GRM8: variants seen among roughly 807,000 people sequenced by gnomAD.
The protein encoded by GRM8 is glutamate metabotropic receptor 8.
GRM8 carries 47 observed loss-of-function variants against 87.2 expected under a neutral mutation model. That is an observed-to-expected ratio of 0.54 (90% CI 0.43 to 0.69). The LOEUF is 0.69. Among genes scored for constraint, GRM8 ranks in the 30% least tolerant of loss-of-function variants. The pLI is 0.00. For synonymous variants in GRM8, 396 were observed against 404.5 expected, an observed-to-expected ratio of 0.98 and a Z score of 0.25; for missense variants, 1,019 against 1,139.2, an observed-to-expected ratio of 0.89 and a Z score of 1.52.
Position 126,685,404 on chromosome 7 carries a change from G to A in GRM8, c.1358-75906C>T, listed in dbSNP as rs997415958. On this transcript the variant is annotated intron_variant, in intron 7 of 10. Transcript: ENST00000339582. This position sits in a 1 kb window ranked among gnomAD's most constrained non-coding sequence, Gnocchi z 4.2. The stretch of plus-strand genomic sequence containing the variant: ...CGGGAGACCCACCCCCTCTGAGTTA[G>A]CTGGGTGGGAGCTCCCTGGGTGCAG... 2.0e-5 allele frequency among the ~76,000 whole-genome samples: 3 copies of A among 152,128 alleles called. No individual in the cohort carries two copies. Among genetic ancestry groups the A allele is most frequent in the African/African-American group, 7.2e-5 (3 of 41,446 alleles).
intron 3 of GRM8, among the ~76,000 whole-genome samples, chr7:127,083,497 A>G (rs574843068): frequency 6.6e-6 from 1 of 152,194 alleles, no homozygotes; most frequent in East Asian, 1.9e-4. Context: ...TCAGCCTACC[A>G]TCAGAAGGAA....
chr7:127,083,894 C>G (rs28948973), intron 3 of GRM8, among the ~76,000 whole-genome samples: 1 of 152,156 alleles, frequency 6.6e-6, no homozygotes, highest in African/African-American at 2.4e-5. Flanking sequence ...AACACCCCCT[C>G]TAGACTATAA....
intron 7 of GRM8, among the ~76,000 whole-genome samples, chr7:126,658,539 T>C (rs1283504838): frequency 6.6e-6 from 1 of 152,012 alleles, no homozygotes; most frequent in African/African-American, 2.4e-5. Context: ...TCACCTGTTA[T>C]CTATGTCCAC....
chr7:127,168,753 C>G (rs971991884), intron 2 of GRM8, among the ~76,000 whole-genome samples: 3 of 151,476 alleles, frequency 2.0e-5, no homozygotes, highest in African/African-American at 7.3e-5. Flanking sequence ...CAAACTAACA[C>G]AACAGAAAAC....
rs150144233 is a variant in GRM8 at position 127,227,157 on chromosome 7, G to A, written c.510+15538C>T. Among the ~76,000 whole-genome samples, 181 of 152,324 alleles carry A rather than the reference G, an allele frequency of 1.2e-3. 1 individual carries two copies. The highest frequency in any genetic ancestry group is 4.2e-3 in the African/African-American group (175 of 41,568). On this transcript the variant is annotated intron_variant, in intron 2 of 10. Coordinates refer to ENST00000339582, the MANE Select transcript of GRM8 (RefSeq NM_000845.3). ...GGAAGGAGGCGGACTCTGTAGTGAT[G>A]GGAGAAAACTCAGCAGCGCCACTGG...
At chr7:127,209,794 C>T (rs1796113945) in intron 2 of GRM8, among the ~76,000 whole-genome samples, 1 of 152,116 alleles carries the variant, frequency 6.6e-6, no homozygotes, top group Non-Finnish European at 1.5e-5. Context: ...CAAAGCTGTG[C>T]TAAACACATG....
intron 6 of GRM8, among the ~76,000 whole-genome samples, chr7:126,828,041 C>G (rs1794991699): frequency 6.6e-6 from 1 of 152,176 alleles, no homozygotes; most frequent in Non-Finnish European, 1.5e-5. Flanking sequence ...TTGAACCAGC[C>G]TTGCATCCCA....
Position 127,011,908 on chromosome 7 carries a change from C to T in GRM8, c.727+94588G>A, listed in dbSNP as rs192725720. On this transcript the variant is annotated intron_variant, in intron 3 of 10. Coordinates refer to ENST00000339582, the MANE Select transcript of GRM8 (RefSeq NM_000845.3). Reference sequence around the variant, plus strand: ...GCCTCTCATTTGAATTACTTTGTACCTTCCACACCAAAAAACTTGAGCTGG... The same window carrying T: ...GCCTCTCATTTGAATTACTTTGTACTTTCCACACCAAAAAACTTGAGCTGG... Among the ~76,000 whole-genome samples the T allele has an allele frequency of 2.5e-3, 381 of 152,194 alleles. 9 individuals are homozygous for T. Among genetic ancestry groups the T allele is most frequent in the Admixed American group, 0.024 (363 of 15,274 alleles).
chr7:126,768,357 T>TGAA (rs755017668), intron 7 of GRM8, among the ~76,000 whole-genome samples: 2 of 53,550 alleles, frequency 3.7e-5, no homozygotes, highest in African/African-American at 8.3e-5. Flanking sequence ...TTTGATAATG[T>TGAA]AAAAAAAAAA....
intron 2 of GRM8, among the ~76,000 whole-genome samples, chr7:127,126,630 T>C (rs1587088902): frequency 1.3e-5 from 2 of 152,050 alleles, no homozygotes; most frequent in South Asian, 2.1e-4. Flanking sequence ...ATTTAAATAA[T>C]ACTACTAATA....
intron 2 of GRM8, among the ~76,000 whole-genome samples, chr7:127,231,615 A>T (rs1797688262): frequency 6.6e-6 from 1 of 152,190 alleles, no homozygotes; most frequent in Non-Finnish European, 1.5e-5. Flanking sequence ...ATCAGAGATG[A>T]TAGGAATTAG....
chr7:127,117,918 G>A (rs1292573192), intron 2 of GRM8, among the ~76,000 whole-genome samples: 1 of 152,186 alleles, frequency 6.6e-6, no homozygotes. Context: ...ATTTAGACTG[G>A]CATTCTGCCA....
chr7:126,460,029 G>T (rs1803714057), intron 9 of GRM8, among the ~76,000 whole-genome samples: 1 of 151,552 alleles, frequency 6.6e-6, no homozygotes, highest in African/African-American at 2.4e-5. Context: ...TATATAGGGA[G>T]ATGTTCCTGG....
chr7:126,627,707 G>A (rs546739308), intron 7 of GRM8, among the ~76,000 whole-genome samples: 11 of 152,010 alleles, frequency 7.2e-5, no homozygotes, highest in South Asian at 4.2e-4. Flanking sequence ...ATCAGTTTAA[G>A]AAAGTCCCTC....
intron 3 of GRM8, among the ~76,000 whole-genome samples, chr7:126,972,413 A>G (rs956040162): frequency 1.2e-4 from 18 of 152,128 alleles, no homozygotes; most frequent in African/African-American, 4.1e-4. Flanking sequence ...TCACTTTGGT[A>G]TATTATTTTT....
chr7:126,647,293 GGATAGATAGATAGATAGATA>G (rs58263801), intron 7 of GRM8, among the ~76,000 whole-genome samples: 2,702 of 143,158 alleles, frequency 0.019, 48 homozygotes, highest in African/African-American at 0.043. Flanking sequence ...ATAAATAGAT[GGATAGATAGATAGATAGATA>G]GATAGATAGA....
At chr7:126,470,256 C>T (rs1024793772) in intron 9 of GRM8, among the ~76,000 whole-genome samples, 16 of 151,594 alleles carry the variant, frequency 1.1e-4, no homozygotes, top group South Asian at 6.3e-4. Flanking sequence ...TAGTTACATA[C>T]GTATACATGT....
At chr7:126,440,410 CAAAAAAAAAA>C (rs35828454) in intron 10 of GRM8, among the ~76,000 whole-genome samples, 2 of 75,446 alleles carry the variant, frequency 2.7e-5, no homozygotes, top group East Asian at 4.1e-4. Context: ...GACTCCATCT[CAAAAAAAAAA>C]AAAAAAAAAA....
At chr7:127,196,950 T>A (rs1168382987) in intron 2 of GRM8, among the ~76,000 whole-genome samples, 2 of 152,184 alleles carry the variant, frequency 1.3e-5, no homozygotes, top group Non-Finnish European at 2.9e-5. Context: ...TCAAACCTGT[T>A]GGTCTCAAAC....
Sources: allele counts gnomAD v4.1 joint callset (sites outside exome capture counted in the v4.1 genomes callset), GRCh38; gene constraint gnomAD v4.1.1; non-coding constraint Gnocchi (gnomAD v3.1); transcripts MANE v1.5; gene names NCBI Gene and HGNC (gene_info 2026-07-23, HGNC 2026-07-21).